The following MPST variants were observed in gnomAD, a reference collection of about 807,000 sequenced individuals.
The protein encoded by MPST is mercaptopyruvate sulfurtransferase, also known as 3-mercaptopyruvate sulfurtransferase.
Under a neutral mutation model 28.5 loss-of-function variants are expected in MPST, and 27 were observed. That is an observed-to-expected ratio of 0.95 (90% CI 0.70 to 1.31). The LOEUF (loss-of-function observed/expected upper bound fraction) is 1.31, where lower values mean the gene tolerates loss of function less well. MPST is among the 50% of genes most tolerant of loss of function. The pLI is 0.00. For missense variants in MPST, 492 were observed against 471.1 expected (o/e 1.04, Z -0.41); for synonymous variants, 204 against 209.3 (o/e 0.97, Z 0.22).
chr22:37,019,907 AG>A (rs1218296557), intron 1 of MPST, 35 bp downstream of exon 1: 7 of 1,029,188 alleles, frequency 6.8e-6, no homozygotes, highest in South Asian at 4.9e-5. Flanking sequence ...GCCTTTCTGG[AG>A]GGGGAGGGAG....
intron 2 of MPST, chr22:37,028,901 T>G (rs1288320038): frequency 3.3e-6 from 1 of 301,998 alleles, no homozygotes; most frequent in African/African-American, 2.2e-5. Context: ...GGGTCTTGTT[T>G]ATTGCTTTGC....
intron 2 of MPST, 173 bp from the exon 3 acceptor site, chr22:37,029,043 C>T (rs1923711107): frequency 1.5e-6 from 1 of 649,506 alleles, no homozygotes; most frequent in Non-Finnish European, 2.6e-6. Context: ...AATGGGGGCT[C>T]CTCTAAACAG....
At chr22:37,027,412 A>G (rs1034191413) in intron 2 of MPST, 1 of 152,298 alleles carries the variant, frequency 6.6e-6, no homozygotes, top group South Asian at 2.1e-4. Context: ...TTCTGCTACA[A>G]TCAAAATGAT....
At position 37,029,582 on chromosome 22, in the gene MPST, C is replaced by A; in HGVS notation, c.*68C>A. 3 of 1,436,992 alleles carry A rather than the reference C, an allele frequency of 2.1e-6. No individual in the cohort carries two copies. Among genetic ancestry groups the A allele is most frequent in the Non-Finnish European group, 2.8e-6 (3 of 1,065,422 alleles). 89.0% of individuals were successfully genotyped at this position (1,436,992 alleles called of 1,614,324 possible). A position where few individuals can be genotyped will look rare whatever the true frequency, so the allele number is the denominator to read the frequency against. On this transcript the variant is annotated 3_prime_UTR_variant, in exon 3 of 3. Transcript: ENST00000429360. ...AGCAATGCCTGGCCTGGTAGCTCCGCTTCTGCTTTCACCAAGAGAGTGTTT... is the reference window on the plus strand; with the variant it reads ...AGCAATGCCTGGCCTGGTAGCTCCGATTCTGCTTTCACCAAGAGAGTGTTT...
At chr22:37,023,483 C>G (rs1923222950) in intron 1 of MPST, 1 of 152,596 alleles carries the variant, frequency 6.6e-6, no homozygotes, top group Non-Finnish European at 1.5e-5. Flanking sequence ...AGACTGGTTT[C>G]AAACTTCTGA....
Position 37,029,400 on chromosome 22 carries a change from G to A in MPST, c.840G>A (p.Gly280=). ...SGVTACHVAL[G]AYLCGKPDVP... ...TCACAGCCTGCCACGTGGCACTAGGGGCCTACCTCTGCGGCAAGCCAGACG... is the reference window on the plus strand; with the variant it reads ...TCACAGCCTGCCACGTGGCACTAGGAGCCTACCTCTGCGGCAAGCCAGACG... The change falls in exon 3 of 3, where the codon GGG becomes GGA. Residue 280 remains glycine, a synonymous_variant. Transcript: ENST00000429360. 6.2e-7 allele frequency: 1 copy of A among 1,613,946 alleles called. No homozygotes were observed. The highest frequency in any genetic ancestry group is 8.5e-7 in the Non-Finnish European group (1 of 1,180,040).
chr22:37,020,440 G>A (rs1436322649), intron 1 of MPST, among the ~76,000 whole-genome samples: 2 of 152,098 alleles, frequency 1.3e-5, no homozygotes, highest in Non-Finnish European at 2.9e-5. Flanking sequence ...CTTCCCTGAA[G>A]GTTCATGCTT....
intron 1 of MPST, chr22:37,023,654 C>G (rs777822005): frequency 1.4e-4 from 69 of 510,014 alleles, no homozygotes; most frequent in Admixed American, 3.0e-4. Flanking sequence ...TCAACACATA[C>G]TGGAGAGTCT....
In MPST at chr22:37,019,834, G is replaced by T; in HGVS notation, c.-3G>T. ...GGGGAGGGGGCGCCGCGCCGCGGGG[G>T]CCATGGCGGAGCCAGGAAGCCGGGA... On this transcript the variant is annotated 5_prime_UTR_variant, in exon 1 of 3. Coordinates refer to ENST00000429360, the MANE Select transcript of MPST (RefSeq NM_021126.8). The T allele has an allele frequency of 8.3e-7, 1 of 1,211,064 alleles. No homozygotes were observed. The highest frequency in any genetic ancestry group is 1.0e-6 in the Non-Finnish European group (1 of 967,532). The allele number at this position is 1,211,064 out of a possible 1,614,324, so 75.0% of individuals were successfully genotyped here.
At chr22:37,022,880 G>A (rs1176440576) in intron 1 of MPST, among the ~76,000 whole-genome samples, 1 of 152,236 alleles carries the variant, frequency 6.6e-6, no homozygotes, top group Admixed American at 6.5e-5. Flanking sequence ...CATGTGCCCT[G>A]GTGGGGGCTC....
At chr22:37,026,745 G>A (rs1923554452) in intron 2 of MPST, 2 of 152,338 alleles carry the variant, frequency 1.3e-5, no homozygotes, top group South Asian at 4.1e-4. Context: ...TGGGATGCAT[G>A]ACCCATTCCA....
At position 37,019,821 on chromosome 22, in the gene MPST, C is replaced by T. The variant is rs962031679; in HGVS notation, c.-16C>T. The T allele has an allele frequency of 1.7e-6, 2 of 1,190,964 alleles. No homozygotes were observed. The highest frequency in any genetic ancestry group is 2.1e-6 in the Non-Finnish European group (2 of 950,114). The allele number at this position is 1,190,964 out of a possible 1,614,324, so 73.8% of individuals were successfully genotyped here. A position where few individuals can be genotyped will look rare whatever the true frequency, so the allele number is the denominator to read the frequency against. ...CAGCTGCGGGCGCGGGGAGGGGGCG[C>T]CGCGCCGCGGGGGCCATGGCGGAGC... On this transcript the variant is annotated 5_prime_UTR_variant, in exon 1 of 3. Coordinates refer to ENST00000429360, the MANE Select transcript of MPST (RefSeq NM_021126.8).
At chr22:37,021,897 C>T (rs2145910899) in intron 1 of MPST, among the ~76,000 whole-genome samples, 1 of 152,130 alleles carries the variant, frequency 6.6e-6, no homozygotes, top group Non-Finnish European at 1.5e-5. Context: ...GAACAGAAAC[C>T]ACCCAGAGAC....
chr22:37,028,635 G>A (rs1923685873), intron 2 of MPST: 1 of 152,778 alleles, frequency 6.5e-6, no homozygotes, highest in Admixed American at 6.5e-5. Flanking sequence ...AGGATTGCTT[G>A]AGCCCAGGAG....
rs572515719 is a variant in MPST at position 37,024,829 on chromosome 22, G to T, written c.655+19G>T. 2 of 1,602,710 alleles carry T rather than the reference G, an allele frequency of 1.2e-6. No individual in the cohort carries two copies. The highest frequency in any genetic ancestry group is 3.4e-5 in the Admixed American group (2 of 59,558). Reference sequence around the variant, plus strand: ...CGAGACGGTAACGCGGGGGAAGGGGGCAGGAGGTCGTCGGGGGCGCGGCCT... The same window carrying T: ...CGAGACGGTAACGCGGGGGAAGGGGTCAGGAGGTCGTCGGGGGCGCGGCCT... On this transcript the variant is annotated intron_variant, in intron 2 of 2. Coordinates refer to ENST00000429360, the MANE Select transcript of MPST (RefSeq NM_021126.8).
At position 37,029,486 on chromosome 22, in the gene MPST, T is replaced by C. The variant is rs1169581025; in HGVS notation, c.926T>C (p.Ile309Thr). 3.1e-6 allele frequency: 5 copies of C among 1,608,864 alleles called. No individual in the cohort carries two copies. Among genetic ancestry groups the C allele is most frequent in the African/African-American group, 1.3e-5 (1 of 74,956 alleles). Reference sequence around the variant, plus strand: ...ATGCGCGCCCGGCCCGAGGATGTCATCTCAGAGGGCCGGGGGAAGACCCAC... The same window carrying C: ...ATGCGCGCCCGGCCCGAGGATGTCACCTCAGAGGGCCGGGGGAAGACCCAC... ...WYMRARPEDV[I>T]SEGRGKTH The change falls in exon 3 of 3, where the codon ATC becomes ACC. Residue 309 changes from isoleucine to threonine, a missense_variant. Coordinates refer to ENST00000429360, the MANE Select transcript of MPST (RefSeq NM_021126.8).
Position 37,020,908 on chromosome 22 carries a change from C to T in MPST, c.36+1036C>T, listed in dbSNP as rs1447577232. On this transcript the variant is annotated intron_variant, in intron 1 of 2. Coordinates refer to ENST00000429360, the MANE Select transcript of MPST (RefSeq NM_021126.8). ...TCCTGGGCTCAAGTGATCTGCCCATCTCAGCCTCCCAAAGTGCTGAGATTA... is the reference window on the plus strand; with the variant it reads ...TCCTGGGCTCAAGTGATCTGCCCATTTCAGCCTCCCAAAGTGCTGAGATTA... Among the ~76,000 whole-genome samples, 4 of 152,208 alleles carry T rather than the reference C, an allele frequency of 2.6e-5. No individual in the cohort carries two copies. In the East Asian group the frequency reaches 7.7e-4, roughly 29 times the overall value.
chr22:37,019,817 G>GGCGCC lies in MPST; in HGVS notation c.-11_-7dup, dbSNP rs1922915895. 3.4e-6 allele frequency: 4 copies of GGCGCC among 1,177,802 alleles called. No individual in the cohort carries two copies. Among genetic ancestry groups the GGCGCC allele is most frequent in the South Asian group, 4.3e-5 (1 of 23,322 alleles). 73.0% of individuals were successfully genotyped at this position (1,177,802 alleles called of 1,614,324 possible). On this transcript the variant is annotated 5_prime_UTR_variant, in exon 1 of 3. Coordinates refer to ENST00000429360, the MANE Select transcript of MPST (RefSeq NM_021126.8). Reference sequence around the variant, plus strand: ...GGGACAGCTGCGGGCGCGGGGAGGGGGCGCCGCGCCGCGGGGGCCATGGCG... The same window carrying GGCGCC: ...GGGACAGCTGCGGGCGCGGGGAGGGGGCGCCGCGCCGCGCCGCGGGGGCCATGGCG...
chr22:37,029,164 C>A (rs1923718981), intron 2 of MPST, 52 bp from the exon 3 acceptor site: 1 of 1,534,056 alleles, frequency 6.5e-7, no homozygotes, highest in East Asian at 2.3e-5. Context: ...ATACGAGGTA[C>A]CATTCATAGC....
Sources: allele counts gnomAD v4.1 joint callset (sites outside exome capture counted in the v4.1 genomes callset), GRCh38; gene constraint gnomAD v4.1.1; transcripts MANE v1.5; gene names NCBI Gene and HGNC (gene_info 2026-07-23, HGNC 2026-07-21).